Variants in ELFN2 observed in about 807,000 individuals in gnomAD.
The protein encoded by ELFN2 is extracellular leucine rich repeat and fibronectin type III domain containing 2.
ELFN2 carries 17 observed loss-of-function variants against 45.5 expected under a neutral mutation model. That is an observed-to-expected ratio of 0.37 (90% CI 0.26 to 0.56). The LOEUF is 0.56. ELFN2 is among the 20% of genes least tolerant of loss of function. The pLI, the probability that ELFN2 is intolerant of heterozygous loss-of-function variation, is 0.77. For synonymous variants in ELFN2, 550 were observed against 551.5 expected, an observed-to-expected ratio of 1.00 and a Z score of 0.04; for missense variants, 922 against 1,183.2, an observed-to-expected ratio of 0.78 and a Z score of 3.24.
rs1931371096 is a variant in ELFN2, at chr22:37,371,674, AC to A, written c.*1397del. 1 of 152,524 alleles carries A rather than the reference AC, an allele frequency of 6.6e-6. No individual in the cohort carries two copies. The highest frequency in any genetic ancestry group is 6.5e-5 in the Admixed American group (1 of 15,286). The allele number at this position is 152,524 out of a possible 1,614,324, so 9.4% of individuals were successfully genotyped here. A position where few individuals can be genotyped will look rare whatever the true frequency, so the allele number is the denominator to read the frequency against. On this transcript the variant is annotated 3_prime_UTR_variant, in exon 3 of 3. Coordinates refer to ENST00000402918, the MANE Select transcript of ELFN2 (RefSeq NM_052906.5). This position sits in a 1 kb window ranked among gnomAD's most constrained non-coding sequence, Gnocchi z 6.4. The stretch of plus-strand genomic sequence containing the variant: ...CCAGAGCCCAACGGTCACTCTGGGC[AC>A]CAACTGCCAGGCACAGGGTTACCAT...
intron 2 of ELFN2, among the ~76,000 whole-genome samples, chr22:37,387,672 C>T (rs1484984920): frequency 6.6e-6 from 1 of 152,094 alleles, no homozygotes; most frequent in Non-Finnish European, 1.5e-5. Flanking sequence ...TGCAGCTTTG[C>T]TTTCCCGCGA....
chr22:37,419,403 C>T (rs1408136427), intron 1 of ELFN2, among the ~76,000 whole-genome samples: 1 of 152,070 alleles, frequency 6.6e-6, no homozygotes, highest in East Asian at 1.9e-4. Flanking sequence ...AGGAGAACTT[C>T]CCACCGCCGC....
rs1931324683 is a variant in ELFN2, at chr22:37,370,141, G to A, written c.*2931C>T. On this transcript the variant is annotated 3_prime_UTR_variant, in exon 3 of 3. Transcript: ENST00000402918. ...AGAACCACATGAACTGGGTCTTCAA[G>A]GCCAGTTCCCCTCCTGGATCATCAG... 1 of 152,210 alleles carries A rather than the reference G, an allele frequency of 6.6e-6. No individual in the cohort carries two copies. Among genetic ancestry groups the A allele is most frequent in the South Asian group, 2.1e-4 (1 of 4,834 alleles). 9.4% of individuals were successfully genotyped at this position (152,210 alleles called of 1,614,324 possible).
intron 1 of ELFN2, among the ~76,000 whole-genome samples, chr22:37,344,797 C>T (rs1383660665): frequency 2.0e-5 from 3 of 152,232 alleles, no homozygotes; most frequent in Non-Finnish European, 2.9e-5. Flanking sequence ...CCCTCTGCCA[C>T]AGGCACCCCA....
intron 2 of ELFN2, among the ~76,000 whole-genome samples, chr22:37,386,370 C>G (rs1176037298): frequency 6.6e-6 from 1 of 152,204 alleles, no homozygotes; most frequent in Admixed American, 6.5e-5. Context: ...GCTACGCCCC[C>G]AGCCCCCTGT....
intron 1 of ELFN2, among the ~76,000 whole-genome samples, chr22:37,425,870 T>TACACACACACACACACACAC (rs133723): frequency 6.9e-6 from 1 of 145,682 alleles, no homozygotes; most frequent in Non-Finnish European, 1.5e-5. Context: ...CACATACACA[T>TACACACACACACACACACAC]ACACACACAC....
In ELFN2 at chr22:37,397,949, C is replaced by T. The variant is rs151073956; in HGVS notation, c.-463+19820G>A. ...CGGCAGCCCGCGCAGCTTCTCTGAG[C>T]GGACGTCTGCACTGGTCCCTGGGGG... On this transcript the variant is annotated intron_variant, in intron 2 of 2. Transcript: ENST00000402918. Among the ~76,000 whole-genome samples, 22 of 152,282 alleles carry T rather than the reference C, an allele frequency of 1.4e-4. No individual in the cohort carries two copies. In the East Asian group the frequency reaches 3.7e-3, roughly 25 times the overall value.
At chr22:37,423,427 C>G (rs180820788) in intron 1 of ELFN2, among the ~76,000 whole-genome samples, 18 of 152,312 alleles carry the variant, frequency 1.2e-4, no homozygotes, top group Admixed American at 7.8e-4. Context: ...GCCTCCAGGC[C>G]CATCTGGCAA....
At chr22:37,398,668 T>G (rs11705590) in intron 2 of ELFN2, among the ~76,000 whole-genome samples, 5,332 of 152,218 alleles carry the variant, frequency 0.035, 106 homozygotes, top group Middle Eastern at 0.058. Flanking sequence ...CCTCATGATC[T>G]GGCTTGGCTC....
Position 37,372,021 on chromosome 22 carries a change from C to G in ELFN2, c.*1051G>C, listed in dbSNP as rs1287273761. 1 of 152,422 alleles carries G rather than the reference C, an allele frequency of 6.6e-6. No homozygotes were observed. The highest frequency in any genetic ancestry group is 1.5e-5 in the Non-Finnish European group (1 of 68,108). The allele number at this position is 152,422 out of a possible 1,614,324, so 9.4% of individuals were successfully genotyped here. ...ACAGGCAGGAAGTCCCCCATGACAG[C>G]TCCTCCCTGCAGCCCTCCAGGCATC... On this transcript the variant is annotated 3_prime_UTR_variant, in exon 3 of 3. Coordinates refer to ENST00000402918, the MANE Select transcript of ELFN2 (RefSeq NM_052906.5). The surrounding 1 kb of genome is among the most constrained non-coding windows in gnomAD (Gnocchi z 4.4).
At chr22:37,363,100 G>A (rs560082264), downstream of ELFN2, among the ~76,000 whole-genome samples, 14 of 152,336 alleles carry the variant, frequency 9.2e-5, no homozygotes, top group East Asian at 7.7e-4. Flanking sequence ...TCAGTCCTGC[G>A]TAGTTATTTT....
intron 1 of ELFN2, among the ~76,000 whole-genome samples, chr22:37,361,702 C>T (rs1204797964): frequency 2.0e-5 from 3 of 152,146 alleles, no homozygotes; most frequent in Non-Finnish European, 2.9e-5. Flanking sequence ...AAGGGAAGCC[C>T]AAATCCTGTG....
rs367616552 is a variant in ELFN2, at chr22:37,369,990, T to G, written c.*3082A>C. The G allele has an allele frequency of 6.6e-6, 1 of 152,274 alleles. No individual in the cohort carries two copies. The highest frequency in any genetic ancestry group is 6.5e-5 in the Admixed American group (1 of 15,292). The allele number at this position is 152,274 out of a possible 1,614,324, so 9.4% of individuals were successfully genotyped here. A position where few individuals can be genotyped will look rare whatever the true frequency, so the allele number is the denominator to read the frequency against. ...CCTCCCGCCTGGGAAAAACTCATCCTGAGCAGGACGTGGGACACAGATGCA... is the reference window on the plus strand; with the variant it reads ...CCTCCCGCCTGGGAAAAACTCATCCGGAGCAGGACGTGGGACACAGATGCA... On this transcript the variant is annotated 3_prime_UTR_variant, in exon 3 of 3. Coordinates refer to ENST00000402918, the MANE Select transcript of ELFN2 (RefSeq NM_052906.5).
chr22:37,412,292 A>AAAG (rs1555924485), intron 2 of ELFN2, among the ~76,000 whole-genome samples: 1 of 146,368 alleles, frequency 6.8e-6, no homozygotes, highest in Non-Finnish European at 1.5e-5. Context: ...AAAAAAAAAA[A>AAAG]AAAGAAAGAA....
rs139416895 is a variant in ELFN2 at position 37,373,258 on chromosome 22, G to C, written c.2277C>G (p.Pro759=). 8 of 1,613,848 alleles carry C rather than the reference G, an allele frequency of 5.0e-6. No individual in the cohort carries two copies. Among genetic ancestry groups the C allele is most frequent in the Middle Eastern group, 1.6e-4 (1 of 6,062 alleles). The stretch of plus-strand genomic sequence containing the variant: ...TGTGCGTGCTCTCGGATGAGTACTC[G>C]GGGCTGGAGGAGTACCCTGAGTAGT... ...RHYYSGYSSS[P]EYSSESTHKI... is the part of the protein sequence containing the mutation. The change falls in exon 3 of 3, where the codon CCC becomes CCG. Residue 759 remains proline (P), a synonymous_variant. Transcript: ENST00000402918.
At chr22:37,404,458 G>A (rs1258313443) in intron 2 of ELFN2, among the ~76,000 whole-genome samples, 2 of 152,072 alleles carry the variant, frequency 1.3e-5, no homozygotes, top group African/African-American at 2.4e-5. Flanking sequence ...CTGAGTGAGC[G>A]TAGTGCCTGC....
chr22:37,416,536 A>T (rs1932761225), intron 2 of ELFN2, among the ~76,000 whole-genome samples: 1 of 152,148 alleles, frequency 6.6e-6, no homozygotes, highest in Non-Finnish European at 1.5e-5. Context: ...GGCCCTGGGG[A>T]GCGAGAGGGC....
At chr22:37,346,687 C>G (rs1040801729) in intron 1 of ELFN2, among the ~76,000 whole-genome samples, 1 of 152,168 alleles carries the variant, frequency 6.6e-6, no homozygotes, top group African/African-American at 2.4e-5. Context: ...CTTGGTGTGA[C>G]AGCAGAAAAC....
chr22:37,375,198 T>C lies in ELFN2; in HGVS notation c.337A>G (p.Asn113Asp). The change falls in exon 3 of 3, where the codon AAC becomes GAC. Residue 113 changes from asparagine (N) to aspartate (D), a missense_variant. Physicochemically the swap from Asn to Asp is conservative, Grantham distance 23 (BLOSUM62 1). Around this residue, in one of 2 missense-constraint regions of ELFN2, gnomAD observed 358 missense variants for 540.4 expected, o/e 0.66. Transcript: ENST00000402918. ...SSLQVLQLGY[N>D]KLSNLTEGML... ...CCCTCCGTCAGGTTGCTGAGCTTGT[T>C]GTAGCCCAGCTGCAGGACCTGCAGG... is the stretch of plus-strand genomic sequence containing the variant. The C allele has an allele frequency of 3.1e-6, 5 of 1,614,062 alleles. 1 individual carries two copies. Among genetic ancestry groups the C allele is most frequent in the Non-Finnish European group, 3.4e-6 (4 of 1,179,998 alleles).
Sources: allele counts gnomAD v4.1 joint callset (sites outside exome capture counted in the v4.1 genomes callset), GRCh38; gene constraint gnomAD v4.1.1; regional missense constraint gnomAD v4.1.1; non-coding constraint Gnocchi (gnomAD v3.1); transcripts MANE v1.5; gene names NCBI Gene and HGNC (gene_info 2026-07-23, HGNC 2026-07-21).